The following NBAS variants were observed in gnomAD, a reference collection of about 807,000 sequenced individuals.
NBAS encodes the protein NAG/BC035112 fusion.
A neutral mutation model predicts 302.5 loss-of-function variants in NBAS; 219 were observed. The observed-to-expected ratio is 0.72, with a 90% CI of 0.65 to 0.81. The LOEUF is 0.81. Among genes scored for constraint, NBAS ranks in the 30% least tolerant of loss-of-function variants. The pLI, the probability that NBAS is intolerant of heterozygous loss-of-function variation, is 0.00. For missense variants in NBAS, 2,932 were observed against 2,841.6 expected, an observed-to-expected ratio of 1.03 and a Z score of -0.72; for synonymous variants, 1,118 against 1,021.6, an observed-to-expected ratio of 1.09 and a Z score of -1.80.
intron 35 of NBAS, among the ~76,000 whole-genome samples, chr2:15,331,471 T>C (rs570594463): frequency 1.2e-4 from 19 of 152,236 alleles, no homozygotes; most frequent in Non-Finnish European, 2.4e-4. Flanking sequence ...CTTCCTAGTT[T>C]AGTGTCTATC....
At chr2:15,376,924 C>T (rs1171080433) in intron 30 of NBAS, among the ~76,000 whole-genome samples, 1 of 151,844 alleles carries the variant, frequency 6.6e-6, no homozygotes, top group Non-Finnish European at 1.5e-5. Context: ...ATCAAAATAT[C>T]AAAATAAATT....
At chr2:14,956,580 G>A in the NBAS span, among the ~76,000 whole-genome samples, 1 of 152,154 alleles carries the variant, frequency 6.6e-6, no homozygotes, top group Non-Finnish European at 1.5e-5. Context: ...GTTCTGCATG[G>A]CTGAGAAGGC....
rs542761434 is a variant in NBAS at position 15,333,653 on chromosome 2, T to C, written c.4180-2888A>G. ...ATGTTTTTATCCTAATTCATATAAA[T>C]GTAAAAAGGGCCCAAGATAAATCAG... On this transcript the variant is annotated intron_variant, in intron 35 of 51. Coordinates refer to ENST00000281513, the MANE Select transcript of NBAS (RefSeq NM_015909.4). 2.0e-5 allele frequency among the ~76,000 whole-genome samples: 3 copies of C among 151,290 alleles called. No individual in the cohort carries two copies. In the South Asian group the frequency reaches 6.3e-4, roughly 32 times the overall value.
At chr2:15,266,627 G>A (rs575680828) in intron 44 of NBAS, among the ~76,000 whole-genome samples, 3 of 152,214 alleles carry the variant, frequency 2.0e-5, no homozygotes, top group East Asian at 3.9e-4. Context: ...AAAAAATGAT[G>A]ATATATGAAG....
At chr2:14,823,877 A>G in the NBAS span, among the ~76,000 whole-genome samples, 1 of 152,230 alleles carries the variant, frequency 6.6e-6, no homozygotes, top group Admixed American at 6.5e-5. Flanking sequence ...CCAGCATATC[A>G]TGAAATCTTT....
the NBAS span, among the ~76,000 whole-genome samples, chr2:15,156,372 C>T: frequency 3.3e-5 from 5 of 152,284 alleles, no homozygotes; most frequent in South Asian, 8.3e-4. Flanking sequence ...TTTCTCTTTT[C>T]CTCTGTCTGT....
intron 9 of NBAS, among the ~76,000 whole-genome samples, chr2:15,514,340 A>G (rs1662286781): frequency 6.6e-6 from 1 of 152,188 alleles, no homozygotes. Flanking sequence ...TTTGATAGGA[A>G]AAAAATCCTC....
At chr2:15,085,682 T>C in the NBAS span, among the ~76,000 whole-genome samples, 1 of 152,184 alleles carries the variant, frequency 6.6e-6, no homozygotes, top group South Asian at 2.1e-4. Context: ...CTGTGTGCTC[T>C]TGGGGGCCTA....
intron 44 of NBAS, among the ~76,000 whole-genome samples, chr2:15,262,832 A>G (rs1322315096): frequency 1.3e-5 from 2 of 152,206 alleles, no homozygotes; most frequent in East Asian, 1.9e-4. Flanking sequence ...CCCTCATCAG[A>G]TGAGGCATAC....
the NBAS span, among the ~76,000 whole-genome samples, chr2:14,916,862 G>C: frequency 6.6e-6 from 1 of 152,146 alleles, no homozygotes; most frequent in African/African-American, 2.4e-5. Context: ...TGTTTGTTCT[G>C]TTCCCAGGCC....
At chr2:14,900,615 A>T in the NBAS span, among the ~76,000 whole-genome samples, 3 of 152,204 alleles carry the variant, frequency 2.0e-5, no homozygotes, top group African/African-American at 7.2e-5. Flanking sequence ...TTCTAAAATA[A>T]CAACTCCATT....
At chr2:15,518,226 T>C (rs1662496901) in intron 9 of NBAS, among the ~76,000 whole-genome samples, 1 of 152,178 alleles carries the variant, frequency 6.6e-6, no homozygotes, top group Non-Finnish European at 1.5e-5. Flanking sequence ...ATAATTTGCC[T>C]TGTGGTATTT....
At chr2:14,891,881 A>G in the NBAS span, among the ~76,000 whole-genome samples, 1 of 152,210 alleles carries the variant, frequency 6.6e-6, no homozygotes, top group African/African-American at 2.4e-5. Flanking sequence ...GGGTGACAAG[A>G]GGTAGCTGTG....
the NBAS span, among the ~76,000 whole-genome samples, chr2:14,827,184 G>A: frequency 6.6e-6 from 1 of 152,184 alleles, no homozygotes. Context: ...CCACCACAGA[G>A]CAAGGACCAG....
At chr2:14,836,842 T>G in the NBAS span, among the ~76,000 whole-genome samples, 2 of 151,850 alleles carry the variant, frequency 1.3e-5, no homozygotes, top group Non-Finnish European at 3.0e-5. Context: ...TCCATTTACT[T>G]CAGTATTCAT....
At chr2:14,847,428 A>G in the NBAS span, among the ~76,000 whole-genome samples, 1 of 150,154 alleles carries the variant, frequency 6.7e-6, no homozygotes, top group Admixed American at 6.6e-5. Context: ...CTGAAAATAA[A>G]GGACTAGAAA....
chr2:15,072,656 C>CA, the NBAS span, among the ~76,000 whole-genome samples: 1 of 152,044 alleles, frequency 6.6e-6, no homozygotes, highest in Non-Finnish European at 1.5e-5. Context: ...AGTCTCAATA[C>CA]AACGTGTTAA....
the NBAS span, among the ~76,000 whole-genome samples, chr2:14,780,839 T>C: frequency 5.9e-5 from 9 of 152,374 alleles, no homozygotes; most frequent in African/African-American, 2.2e-4. Context: ...TTGGAGCTTC[T>C]TAAGAATAAA....
At chr2:15,457,049 G>A (rs1167892067) in intron 21 of NBAS, among the ~76,000 whole-genome samples, 1 of 152,082 alleles carries the variant, frequency 6.6e-6, no homozygotes, top group Non-Finnish European at 1.5e-5. Flanking sequence ...ATGGGAGAAG[G>A]GCACACTAAA....
Sources: allele counts gnomAD v4.1 joint callset (sites outside exome capture counted in the v4.1 genomes callset), GRCh38; gene constraint gnomAD v4.1.1; transcripts MANE v1.5; gene names NCBI Gene and HGNC (gene_info 2026-07-23, HGNC 2026-07-21).